The following RPS6KA6 variants were observed in gnomAD, a reference collection of about 807,000 sequenced individuals.
The protein encoded by RPS6KA6 is ribosomal protein S6 kinase A6.
In RPS6KA6, 27 loss-of-function variants were observed where a neutral mutation model predicts 65.4. The ratio of observed to expected loss-of-function variants is 0.41; its 90% CI spans 0.30 to 0.57. The LOEUF (loss-of-function observed/expected upper bound fraction) is 0.57, where lower values mean the gene tolerates loss of function less well. RPS6KA6 is among the 20% of genes least tolerant of loss of function. The pLI is 0.24. For synonymous variants in RPS6KA6, 190 were observed against 184.2 expected (o/e 1.03, Z -0.26); for missense variants, 486 against 555.6 (o/e 0.87, Z 1.26).
intron 20 of RPS6KA6, among the ~76,000 whole-genome samples, chrX:84,074,821 A>G (rs1263671150): frequency 8.9e-6 from 1 of 112,197 alleles, no homozygotes; most frequent in Non-Finnish European, 1.9e-5. Context: ...AAAGAAAAGA[A>G]TCAATCAAAA....
Position 84,107,618 on chromosome X carries a change from A to G in RPS6KA6, c.1111+5T>C. On this transcript the variant is annotated splice_donor_5th_base_variant and intron_variant, in intron 13 of 21. Coordinates refer to ENST00000262752, the MANE Select transcript of RPS6KA6 (RefSeq NM_014496.5). The stretch of plus-strand genomic sequence containing the variant: ...TCTCTGATTTTACAGATAAACATGC[A>G]TTACCTTTAGGTGTTTTTGCAGTAA... 9.1e-7 allele frequency: 1 copy of G among 1,104,504 alleles called. No individual in the cohort carries two copies. Among genetic ancestry groups the G allele is most frequent in the South Asian group, 2.0e-5 (1 of 50,480 alleles). 91.0% of individuals were successfully genotyped at this position (1,104,504 alleles called of 1,213,427 possible). A position where few individuals can be genotyped will look rare whatever the true frequency, so the allele number is the denominator to read the frequency against.
At chrX:84,078,755 G>T (rs2033718467) in intron 20 of RPS6KA6, among the ~76,000 whole-genome samples, 1 of 111,538 alleles carries the variant, frequency 9.0e-6, no homozygotes, top group African/African-American at 3.3e-5. Context: ...ACAACTGTGT[G>T]TGCCAGAGAA....
intron 20 of RPS6KA6, among the ~76,000 whole-genome samples, chrX:84,077,072 T>A (rs1184697817): frequency 2.7e-5 from 3 of 111,689 alleles, no homozygotes; most frequent in Non-Finnish European, 5.7e-5. Flanking sequence ...TTTAAACGTA[T>A]AAAACATTGT....
At chrX:84,142,130 G>A (rs2035116687) in intron 6 of RPS6KA6, among the ~76,000 whole-genome samples, 2 of 111,231 alleles carry the variant, frequency 1.8e-5, no homozygotes, top group Admixed American at 9.6e-5. Flanking sequence ...GAAGCATAAA[G>A]CAAATATAAG....
At chrX:84,118,160 T>TA (rs1397725308) in intron 9 of RPS6KA6, among the ~76,000 whole-genome samples, 1 of 112,027 alleles carries the variant, frequency 8.9e-6, no homozygotes, top group African/African-American at 3.2e-5. Context: ...ATCTCAAACT[T>TA]AGATTCAATA....
chrX:84,086,077 G>C (rs1477504836), intron 20 of RPS6KA6, among the ~76,000 whole-genome samples: 1 of 110,735 alleles, frequency 9.0e-6, no homozygotes, highest in Non-Finnish European at 1.9e-5. Context: ...CTAGCTAGTT[G>C]TCTATTTTAT....
At chrX:84,109,964 C>G (rs1249507960) in intron 12 of RPS6KA6, among the ~76,000 whole-genome samples, 2 of 111,407 alleles carry the variant, frequency 1.8e-5, no homozygotes. Flanking sequence ...GATACTGCCA[C>G]AGCTAATACC....
Position 84,060,706 on chromosome X carries a change from A to T in RPS6KA6, c.*3571T>A, listed in dbSNP as rs778269910. 7.2e-5 allele frequency: 8 copies of T among 111,310 alleles called. No homozygotes were observed. The Admixed American group carries it at 7.7e-4, about 11-fold the overall frequency. The allele number at this position is 111,310 out of a possible 1,213,427, so 9.2% of individuals were successfully genotyped here. ...AAGTAGGAAGGAAATTGTGCAAAAAAAGAAACAGTTTATTAGATACTCTGA... is the reference window on the plus strand; with the variant it reads ...AAGTAGGAAGGAAATTGTGCAAAAATAGAAACAGTTTATTAGATACTCTGA... On this transcript the variant is annotated 3_prime_UTR_variant, in exon 22 of 22. Transcript: ENST00000262752.
At chrX:84,156,744 A>T (rs2035423360) in intron 2 of RPS6KA6, among the ~76,000 whole-genome samples, 1 of 111,833 alleles carries the variant, frequency 8.9e-6, no homozygotes, top group Non-Finnish European at 1.9e-5. Flanking sequence ...TACATAAATT[A>T]TATGCCAGAT....
At chrX:84,094,593 C>T (rs1041131296) in intron 20 of RPS6KA6, among the ~76,000 whole-genome samples, 6 of 109,674 alleles carry the variant, frequency 5.5e-5, no homozygotes, top group East Asian at 5.7e-4. Context: ...TGCAGTGAGC[C>T]GAGATCGCGC....
intron 20 of RPS6KA6, among the ~76,000 whole-genome samples, chrX:84,076,789 C>T (rs978383493): frequency 9.0e-6 from 1 of 111,029 alleles, no homozygotes; most frequent in Non-Finnish European, 1.9e-5. Context: ...AAGTTCTAGC[C>T]ATTGAAAATT....
intron 8 of RPS6KA6, among the ~76,000 whole-genome samples, chrX:84,134,384 A>C (rs1299590417): frequency 9.0e-6 from 1 of 111,302 alleles, no homozygotes; most frequent in Admixed American, 9.6e-5. Flanking sequence ...TTCTATTTCT[A>C]TATCACTCTC....
chrX:84,069,802 T>A (rs1344673972), intron 20 of RPS6KA6, among the ~76,000 whole-genome samples: 1 of 111,780 alleles, frequency 8.9e-6, no homozygotes, highest in Non-Finnish European at 1.9e-5. Flanking sequence ...CAAAAACATA[T>A]GAAAAAAAGC....
Position 84,187,924 on chromosome X carries a change from G to A in RPS6KA6, c.-25C>T, listed in dbSNP as rs974573858. On this transcript the variant is annotated 5_prime_UTR_variant, in exon 1 of 22. Coordinates refer to ENST00000262752, the MANE Select transcript of RPS6KA6 (RefSeq NM_014496.5). ...TCTCCCCTTCAGGAGCACTCAAACA[G>A]GAGCTGCCGCCTACCGCTGGCGCGG... 13 of 1,155,748 alleles carry A rather than the reference G, an allele frequency of 1.1e-5. No individual in the cohort carries two copies. Among genetic ancestry groups the A allele is most frequent in the Non-Finnish European group, 1.4e-5 (12 of 859,381 alleles).
chrX:84,122,479 C>T (rs1005729517), intron 8 of RPS6KA6, among the ~76,000 whole-genome samples: 5 of 105,730 alleles, frequency 4.7e-5, no homozygotes, highest in African/African-American at 1.4e-4. Flanking sequence ...TACAGGCGCC[C>T]GCCACCACGG....
At chrX:84,116,139 A>T in intron 12 of RPS6KA6, 90 bp downstream of exon 12, 1 of 529,494 alleles carries the variant, frequency 1.9e-6, no homozygotes, top group Non-Finnish European at 3.1e-6. Flanking sequence ...TATTCCACTG[A>T]TTTGTTATTT....
At chrX:84,111,021 G>A (rs1366108696) in intron 12 of RPS6KA6, among the ~76,000 whole-genome samples, 1 of 105,158 alleles carries the variant, frequency 9.5e-6, no homozygotes, top group Admixed American at 1.0e-4. Context: ...TTTAAATTCT[G>A]GAAGTGAAAA....
chrX:84,140,042 G>A (rs754686593), intron 6 of RPS6KA6, among the ~76,000 whole-genome samples: 1 of 111,838 alleles, frequency 8.9e-6, no homozygotes, highest in Non-Finnish European at 1.9e-5. Context: ...AGAGAACTCT[G>A]TAGATATGCA....
chrX:84,187,521 G>A (rs886395289), intron 1 of RPS6KA6: 6 of 241,514 alleles, frequency 2.5e-5, no homozygotes, highest in African/African-American at 2.9e-5. Context: ...CAGTCCCCCA[G>A]TTCCCCTTCG....
Sources: allele counts gnomAD v4.1 joint callset (sites outside exome capture counted in the v4.1 genomes callset), GRCh38; gene constraint gnomAD v4.1.1; transcripts MANE v1.5; gene names NCBI Gene and HGNC (gene_info 2026-07-23, HGNC 2026-07-21).